GTF2IRD2B: variants seen among roughly 807,000 people sequenced by gnomAD.
GTF2IRD2B encodes the protein GTF2I repeat domain containing 2B, also known as general transcription factor II-I repeat domain-containing protein 2B.
In GTF2IRD2B, 10 loss-of-function variants were observed where a neutral mutation model predicts 55.6. The ratio of observed to expected loss-of-function variants is 0.18; its 90% CI spans 0.11 to 0.31. The LOEUF is 0.31. Among genes scored for constraint, GTF2IRD2B ranks in the 10% least tolerant of loss-of-function variants. The pLI is 1.00. For synonymous variants in GTF2IRD2B, 107 were observed against 320.5 expected, an observed-to-expected ratio of 0.33 and a Z score of 7.12; for missense variants, 206 against 802.7, an observed-to-expected ratio of 0.26 and a Z score of 8.98.
At chr7:75,119,189 C>A (rs1384874510) in intron 3 of GTF2IRD2B, among the ~76,000 whole-genome samples, 1 of 12,768 alleles carries the variant, frequency 7.8e-5, no homozygotes, top group African/African-American at 5.2e-4. Flanking sequence ...GTAAGACTCT[C>A]TCAAAAAAAA....
chr7:75,109,434 G>T (rs1245016530), intron 2 of GTF2IRD2B, among the ~76,000 whole-genome samples: 3 of 139,814 alleles, frequency 2.1e-5, no homozygotes. Context: ...CGCCTCCCGG[G>T]TTCAAGCAAT....
chr7:75,137,382 TGCATGCTTGTATTCCCA>T (rs1808879188), intron 11 of GTF2IRD2B, among the ~76,000 whole-genome samples: 1 of 146,890 alleles, frequency 6.8e-6, no homozygotes, highest in Non-Finnish European at 1.5e-5. Context: ...GGCATGATGG[TGCATGCTTGTATTCCCA>T]GCACTTTGTG....
chr7:75,121,801 C>T lies in GTF2IRD2B; in HGVS notation c.358+791C>T, dbSNP rs1474289898. Among the ~76,000 whole-genome samples, 44 of 133,700 alleles carry T rather than the reference C, an allele frequency of 3.3e-4. 1 individual carries two copies. The highest frequency in any genetic ancestry group is 4.3e-3 in the Middle Eastern group (1 of 232). The allele number at this position is 133,700 out of a possible 152,430, so 87.7% of individuals were successfully genotyped here. A position where few individuals can be genotyped will look rare whatever the true frequency, so the allele number is the denominator to read the frequency against. ...TTTGAGGCAGAGTCTCGCTCTGTTG[C>T]CCGGGCTGGAGTGCAGTGGCTCAAT... On this transcript the variant is annotated intron_variant, in intron 4 of 15. Coordinates refer to ENST00000472837, the MANE Select transcript of GTF2IRD2B (RefSeq NM_001003795.3).
rs1314399188 is a variant in GTF2IRD2B, at chr7:75,122,808, C to T, written c.359-328C>T. On this transcript the variant is annotated intron_variant, in intron 4 of 15. Coordinates refer to ENST00000472837, the MANE Select transcript of GTF2IRD2B (RefSeq NM_001003795.3). ...CTCGCCTGTTATCCTAGCACTTTGG[C>T]AGGCTAAGGTGGGTAGATCGCCTGA... Among the ~76,000 whole-genome samples the T allele has an allele frequency of 2.0e-5, 3 of 149,380 alleles. No individual in the cohort carries two copies. In the East Asian group the frequency reaches 5.9e-4, roughly 29 times the overall value.
chr7:75,134,347 C>T (rs1398454256), intron 9 of GTF2IRD2B, among the ~76,000 whole-genome samples: 2 of 142,388 alleles, frequency 1.4e-5, no homozygotes, highest in Non-Finnish European at 3.0e-5. Flanking sequence ...GTGATCACAC[C>T]ACTGCACTCC....
In GTF2IRD2B at chr7:75,149,291, A is replaced by G. The variant is rs1296665977; in HGVS notation, c.2844A>G (p.Ala948=). Residue 948 remains alanine (A), a synonymous_variant, in exon 16 of 16, where the codon GCA becomes GCG. Coordinates refer to ENST00000472837, the MANE Select transcript of GTF2IRD2B (RefSeq NM_001003795.3). The part of the protein sequence containing the change: ...DSQWDSVLHI[A]T ...AGTGGGATTCTGTACTCCACATCGC[A>G]ACGTGATGGAGAGAAAACTCCTGGC... 6 of 757,414 alleles carry G rather than the reference A, an allele frequency of 7.9e-6. No homozygotes were observed. Among genetic ancestry groups the G allele is most frequent in the Non-Finnish European group, 1.2e-5 (5 of 410,444 alleles). The allele number at this position is 757,414 out of a possible 1,614,324, so 46.9% of individuals were successfully genotyped here.
At chr7:75,127,123 C>T (rs1554535737) in intron 8 of GTF2IRD2B, among the ~76,000 whole-genome samples, 2 of 150,844 alleles carry the variant, frequency 1.3e-5, no homozygotes, top group Non-Finnish European at 3.0e-5. Context: ...AAGACCAGGG[C>T]GTGAATTAAC....
At chr7:75,147,389 C>T (rs1554533042) in intron 15 of GTF2IRD2B, among the ~76,000 whole-genome samples, 13 of 151,812 alleles carry the variant, frequency 8.6e-5, no homozygotes, top group Non-Finnish European at 1.9e-4. Flanking sequence ...GCCGAGATTG[C>T]GCCACTGCAC....
At chr7:75,130,329 C>T (rs1221205997) in intron 8 of GTF2IRD2B, among the ~76,000 whole-genome samples, 10 of 47,894 alleles carry the variant, frequency 2.1e-4, no homozygotes, top group African/African-American at 7.0e-4. Flanking sequence ...AGGTGCACGC[C>T]GTCACACCTG....
intron 1 of GTF2IRD2B, among the ~76,000 whole-genome samples, chr7:75,107,574 T>TA (rs1371808086): frequency 0.11 from 4,834 of 43,736 alleles, 80 homozygotes; most frequent in South Asian, 0.24. Flanking sequence ...GACTCTGTCT[T>TA]AAAAAAAAAA....
intron 3 of GTF2IRD2B, among the ~76,000 whole-genome samples, chr7:75,119,015 G>A (rs1554536913): frequency 3.1e-5 from 4 of 130,842 alleles, no homozygotes; most frequent in Non-Finnish European, 6.4e-5. Context: ...CCAACATGAC[G>A]AAACCTCGTC....
At chr7:75,122,767 A>G (rs1462246762) in intron 4 of GTF2IRD2B, among the ~76,000 whole-genome samples, 5 of 145,382 alleles carry the variant, frequency 3.4e-5, no homozygotes, top group Non-Finnish European at 6.1e-5. Flanking sequence ...AAAAAAAACT[A>G]GGCTGGGCTC....
chr7:75,112,702 C>T, intron 3 of GTF2IRD2B, 167 bp downstream of exon 3: 3 of 1,559,442 alleles, frequency 1.9e-6, no homozygotes, highest in Non-Finnish European at 2.6e-6. Context: ...ACTGCAGAGT[C>T]CAAGACAAAT....
intron 1 of GTF2IRD2B, among the ~76,000 whole-genome samples, chr7:75,107,039 C>T (rs1807829880): frequency 6.6e-6 from 1 of 151,726 alleles, no homozygotes; most frequent in Non-Finnish European, 1.5e-5. Context: ...TTTTCTCTTC[C>T]TATCTTTAGC....
chr7:75,105,714 T>C (rs1239909580), intron 1 of GTF2IRD2B, among the ~76,000 whole-genome samples: 2 of 152,310 alleles, frequency 1.3e-5, no homozygotes, highest in African/African-American at 4.8e-5. Context: ...GATAGTTGCA[T>C]TTTTAGAATT....
chr7:75,105,089 C>T (rs1475924236), intron 1 of GTF2IRD2B, among the ~76,000 whole-genome samples: 47 of 152,372 alleles, frequency 3.1e-4, no homozygotes, highest in African/African-American at 9.6e-5. Context: ...CCCAGCCACC[C>T]GGGGGCTGAA....
intron 15 of GTF2IRD2B, among the ~76,000 whole-genome samples, 169 bp from the exon 16 acceptor site, chr7:75,147,525 A>G (rs1332900055): frequency 6.6e-6 from 1 of 151,966 alleles, no homozygotes; most frequent in Non-Finnish European, 1.5e-5. Context: ...GGTTTGCTGG[A>G]GTTGAGGGTC....
At chr7:75,114,362 C>A (rs1440972766) in intron 3 of GTF2IRD2B, among the ~76,000 whole-genome samples, 3 of 151,368 alleles carry the variant, frequency 2.0e-5, no homozygotes, top group African/African-American at 7.3e-5. Flanking sequence ...TTTGTTGTCG[C>A]AAATATTTTC....
In GTF2IRD2B at chr7:75,113,863, AGTGT is replaced by A. The variant is rs782323728; in HGVS notation, c.238+1345_238+1348del. Among the ~76,000 whole-genome samples the A allele has an allele frequency of 1.1e-4, 15 of 134,902 alleles. No homozygotes were observed. The East Asian group carries it at 1.9e-3, about 17-fold the overall frequency. 88.5% of individuals were successfully genotyped at this position (134,902 alleles called of 152,430 possible). A position where few individuals can be genotyped will look rare whatever the true frequency, so the allele number is the denominator to read the frequency against. On this transcript the variant is annotated intron_variant, in intron 3 of 15. Coordinates refer to ENST00000472837, the MANE Select transcript of GTF2IRD2B (RefSeq NM_001003795.3). ...CTATGGATTGGCAGAGGGTATATAA[AGTGT>A]GTGTGTGTGTGTGTGTCTGTGTGTG...
Sources: gnomAD v4.1 joint callset for allele counts (sites outside exome capture counted in the v4.1 genomes callset) on GRCh38, gnomAD v4.1.1 for gene constraint, MANE v1.5 for transcripts, NCBI Gene and HGNC (gene_info 2026-07-23, HGNC 2026-07-21) for gene names.